LRP1B: variants seen among roughly 807,000 people sequenced by gnomAD.
LRP1B encodes the protein low-density lipoprotein receptor-related protein 1B.
A neutral mutation model predicts 556.6 loss-of-function variants in LRP1B; 217 were observed. That is an observed-to-expected ratio of 0.39 (90% CI 0.35 to 0.44). LRP1B has a LOEUF of 0.44. LRP1B is among the 20% of genes least tolerant of loss of function. The pLI, the probability that LRP1B is intolerant of heterozygous loss-of-function variation, is 1.00. For missense variants in LRP1B, 5,053 were observed against 5,620.8 expected, an observed-to-expected ratio of 0.90 and a Z score of 3.23; for synonymous variants, 2,047 against 1,865.8, an observed-to-expected ratio of 1.10 and a Z score of -2.50.
At chr2:142,066,618 CCA>C (rs1705119479) in intron 1 of LRP1B, among the ~76,000 whole-genome samples, 1 of 151,620 alleles carries the variant, frequency 6.6e-6, no homozygotes, top group African/African-American at 2.4e-5. Context: ...GTTTTCCCTA[CCA>C]CACTCTTCAT....
intron 5 of LRP1B, among the ~76,000 whole-genome samples, chr2:141,241,302 A>G (rs10153581): frequency 0.24 from 37,068 of 151,996 alleles, 5,427 homozygotes; most frequent in East Asian, 0.57. Context: ...CAGGCTGGGA[A>G]GCTTTAGAAT....
At chr2:141,256,550 A>T (rs1347912939) in intron 3 of LRP1B, among the ~76,000 whole-genome samples, 1 of 152,032 alleles carries the variant, frequency 6.6e-6, no homozygotes, top group East Asian at 1.9e-4. Flanking sequence ...AGAGAGAAAG[A>T]TAGTAAAGGA....
At chr2:141,994,501 G>T (rs111756939) in intron 1 of LRP1B, among the ~76,000 whole-genome samples, 199 of 152,014 alleles carry the variant, frequency 1.3e-3, no homozygotes, top group Admixed American at 4.1e-3. Flanking sequence ...AAATATATAC[G>T]TATATATGTG....
At position 140,315,091 on chromosome 2, in the gene LRP1B, A is replaced by G. The variant is rs2105037026; in HGVS notation, c.12649T>C (p.Cys4217Arg). The change falls in exon 83 of 91, where the codon TGT becomes CGT. Residue 4217 changes from cysteine to arginine, a missense_variant. By Grantham distance (180) the Cys-to-Arg change is radical. Around this residue, in one of 5 missense-constraint regions of LRP1B, gnomAD observed 551 missense variants for 592.0 expected, o/e 0.93. Transcript: ENST00000389484. Reference protein sequence around the residue: ...CNDDSLLDDSCKLTCENGGRC... With the variant: ...CNDDSLLDDSRKLTCENGGRC... ...CCTCCATTTTCACAAGTTAACTTAC[A>G]TGAATCATCTGTTTATGAGAAGAAA... 1.2e-6 allele frequency: 2 copies of G among 1,603,584 alleles called. No homozygotes were observed. Among genetic ancestry groups the G allele is most frequent in the Non-Finnish European group, 1.7e-6 (2 of 1,174,358 alleles).
At chr2:142,022,200 T>C (rs998726619) in intron 1 of LRP1B, among the ~76,000 whole-genome samples, 3 of 152,084 alleles carry the variant, frequency 2.0e-5, no homozygotes, top group Admixed American at 6.5e-5. Flanking sequence ...TAAAATCATC[T>C]TGCTTTGTTC....
At chr2:141,394,025 A>G (rs1163545245) in intron 3 of LRP1B, among the ~76,000 whole-genome samples, 1 of 152,142 alleles carries the variant, frequency 6.6e-6, no homozygotes, top group African/African-American at 2.4e-5. Context: ...GCAAAAAGTA[A>G]TGTAACATGC....
intron 2 of LRP1B, among the ~76,000 whole-genome samples, chr2:141,668,889 C>T (rs547473303): frequency 3.9e-4 from 59 of 152,280 alleles, no homozygotes; most frequent in African/African-American, 1.4e-3. Context: ...CTGGCTCCTA[C>T]ACCTGCCCGT....
chr2:140,319,309 C>A (rs1026592486), intron 82 of LRP1B, among the ~76,000 whole-genome samples: 2 of 152,048 alleles, frequency 1.3e-5, no homozygotes, highest in East Asian at 3.9e-4. Flanking sequence ...CACTTGGTAG[C>A]ATTATTAGTT....
At chr2:142,130,148 T>C (rs1337258862) in intron 1 of LRP1B, among the ~76,000 whole-genome samples, 9 of 152,230 alleles carry the variant, frequency 5.9e-5, no homozygotes, top group Admixed American at 5.9e-4. Flanking sequence ...AGGAAGGGGC[T>C]ATAGAAACGA....
At chr2:140,567,004 G>A (rs1681151981) in intron 43 of LRP1B, among the ~76,000 whole-genome samples, 1 of 152,092 alleles carries the variant, frequency 6.6e-6, no homozygotes, top group East Asian at 1.9e-4. Flanking sequence ...CTGGGGAATT[G>A]GTAGCTTGGC....
At chr2:142,030,434 T>C (rs1197551205) in intron 1 of LRP1B, among the ~76,000 whole-genome samples, 1 of 151,940 alleles carries the variant, frequency 6.6e-6, no homozygotes, top group African/African-American at 2.4e-5. Context: ...CTTGGCTCAT[T>C]ATATAAAACT....
chr2:140,433,524 T>C (rs1482455981), intron 66 of LRP1B, among the ~76,000 whole-genome samples: 3 of 152,348 alleles, frequency 2.0e-5, no homozygotes, highest in African/African-American at 7.2e-5. Context: ...TTAATACGAA[T>C]TGTTAGCACA....
At chr2:141,062,738 T>G (rs890598086) in intron 7 of LRP1B, among the ~76,000 whole-genome samples, 1 of 151,774 alleles carries the variant, frequency 6.6e-6, no homozygotes, top group Non-Finnish European at 1.5e-5. Flanking sequence ...TGGTGGAGAA[T>G]AGCAAACCTG....
At chr2:140,872,123 T>C (rs1169947774) in intron 25 of LRP1B, among the ~76,000 whole-genome samples, 1 of 150,808 alleles carries the variant, frequency 6.6e-6, no homozygotes, top group Non-Finnish European at 1.5e-5. Flanking sequence ...TTATTCTCAG[T>C]TTACTGAATT....
intron 2 of LRP1B, among the ~76,000 whole-genome samples, chr2:141,633,549 A>G (rs957602424): frequency 6.6e-6 from 1 of 152,060 alleles, no homozygotes; most frequent in Non-Finnish European, 1.5e-5. Context: ...GAATCTACCA[A>G]TACGACTTCA....
intron 3 of LRP1B, among the ~76,000 whole-genome samples, chr2:141,380,882 G>A (rs1382805336): frequency 3.3e-5 from 5 of 152,116 alleles, no homozygotes; most frequent in Admixed American, 6.6e-5. Flanking sequence ...GTTAGGATAA[G>A]CTCAAAGGTG....
At chr2:141,961,858 T>C (rs904157007) in intron 1 of LRP1B, among the ~76,000 whole-genome samples, 1 of 151,740 alleles carries the variant, frequency 6.6e-6, no homozygotes, top group African/African-American at 2.4e-5. Context: ...GGTTATCACA[T>C]GCTAAATGGA....
At chr2:141,962,377 C>A (rs2105057083) in intron 1 of LRP1B, among the ~76,000 whole-genome samples, 1 of 151,820 alleles carries the variant, frequency 6.6e-6, no homozygotes, top group Admixed American at 6.6e-5. Context: ...TTCCTCCTGA[C>A]TTGTTAAAAA....
chr2:141,480,656 C>T, intron 2 of LRP1B, 123 bp from the exon 3 acceptor site: 2 of 946,812 alleles, frequency 2.1e-6, no homozygotes, highest in Non-Finnish European at 3.4e-6. Flanking sequence ...TGTAAGAGTG[C>T]TGCTCTTGTT....
Sources: allele counts gnomAD v4.1 joint callset (sites outside exome capture counted in the v4.1 genomes callset), GRCh38; gene constraint gnomAD v4.1.1; regional missense constraint gnomAD v4.1.1; transcripts MANE v1.5; gene names NCBI Gene and HGNC (gene_info 2026-07-23, HGNC 2026-07-21).